RCC2: variants seen among roughly 807,000 people sequenced by gnomAD.
RCC2 encodes protein RCC2.
A neutral mutation model predicts 64.1 loss-of-function variants in RCC2; 19 were observed. The ratio of observed to expected loss-of-function variants is 0.30; its 90% CI spans 0.21 to 0.44. RCC2 has a LOEUF of 0.44. Among genes scored for constraint, RCC2 ranks in the 20% least tolerant of loss-of-function variants. The pLI, the probability that RCC2 is intolerant of heterozygous loss-of-function variation, is 1.00. For synonymous variants in RCC2, 325 were observed against 279.6 expected (o/e 1.16, Z -1.62); for missense variants, 508 against 710.4 (o/e 0.72, Z 3.24).
rs149679206 is a variant in RCC2 at position 17,408,437 on chromosome 1, C to G, written c.*653G>C. 1 of 152,348 alleles carries G rather than the reference C, an allele frequency of 6.6e-6. No homozygotes were observed. Among genetic ancestry groups the G allele is most frequent in the Non-Finnish European group, 1.5e-5 (1 of 68,182 alleles). 9.4% of individuals were successfully genotyped at this position (152,348 alleles called of 1,614,324 possible). A position where few individuals can be genotyped will look rare whatever the true frequency, so the allele number is the denominator to read the frequency against. The stretch of plus-strand genomic sequence containing the variant: ...TAAAGTAGATATAAATGGCTAAACA[C>G]AGATCCCCAATCCCCCACCAGGGGG... On this transcript the variant is annotated 3_prime_UTR_variant, in exon 13 of 13. Transcript: ENST00000375436.
At chr1:17,422,429 AG>A in intron 5 of RCC2, 138 bp from the exon 6 acceptor site, 1 of 809,350 alleles carries the variant, frequency 1.2e-6, no homozygotes, top group East Asian at 2.7e-5. Flanking sequence ...AAAAGCTGGC[AG>A]TGCAGACGCT....
intron 3 of RCC2, 136 bp from the exon 4 acceptor site, chr1:17,425,820 T>C (rs375494023): frequency 1.2e-6 from 1 of 853,912 alleles, no homozygotes. Flanking sequence ...GCCTTGGCTG[T>C]TGGGAGGCTG....
rs188918935 is a variant in RCC2, at chr1:17,422,289, T to C, written c.658A>G (p.Thr220Ala). Residue 220 changes from threonine to alanine, a missense_variant and splice_region_variant, in exon 6 of 13, where the codon ACG becomes GCG. By Grantham distance (58) the Thr-to-Ala change is moderately conservative (BLOSUM62 0). This residue lies in a region of RCC2 where 132 missense variants were observed against 207.3 expected (regional missense o/e 0.64). Coordinates refer to ENST00000375436, the MANE Select transcript of RCC2 (RefSeq NM_018715.4). Reference sequence around the variant, plus strand: ...TCCCCAAACGCAAACACGGAGCCCGTTTCTGGAAGAAAGGAAAAATATCAC... The same window carrying C: ...TCCCCAAACGCAAACACGGAGCCCGCTTCTGGAAGAAAGGAAAAATATCAC... ...GRNHTLALTE[T>A]GSVFAFGENK... 207 of 1,610,712 alleles carry C rather than the reference T, an allele frequency of 1.3e-4. No homozygotes were observed. The East Asian group carries it at 3.5e-3, about 27-fold the overall frequency.
At chr1:17,416,126 T>G in intron 8 of RCC2, among the ~76,000 whole-genome samples, 1 of 145,876 alleles carries the variant, frequency 6.9e-6, no homozygotes, top group South Asian at 2.2e-4. Flanking sequence ...ACGACTCACA[T>G]CCCCAGTATG....
intron 6 of RCC2, 91 bp from the exon 7 acceptor site, chr1:17,420,919 G>T: frequency 1.3e-6 from 1 of 785,616 alleles, no homozygotes. Flanking sequence ...CAATTACTAG[G>T]TTACAAACGG....
intron 4 of RCC2, among the ~76,000 whole-genome samples, chr1:17,423,613 G>A (rs1479549126): frequency 6.6e-6 from 1 of 152,246 alleles, no homozygotes; most frequent in African/African-American, 2.4e-5. Context: ...CCAAAAGGAG[G>A]GCTGGGAGCC....
Position 17,409,052 on chromosome 1 carries a change from C to T in RCC2, c.*38G>A. On this transcript the variant is annotated 3_prime_UTR_variant, in exon 13 of 13. Transcript: ENST00000375436. ...CCAGTGCACATGGAAATGACAGCTG[C>T]CGCGAGAGGTGTGGAGTCGGAGGAG... 1 of 1,407,482 alleles carries T rather than the reference C, an allele frequency of 7.1e-7. No homozygotes were observed. The highest frequency in any genetic ancestry group is 1.0e-6 in the Non-Finnish European group (1 of 991,730). 87.2% of individuals were successfully genotyped at this position (1,407,482 alleles called of 1,614,324 possible).
At chr1:17,431,499 CAAAAAAAAAAAAA>C (rs558362245) in intron 2 of RCC2, among the ~76,000 whole-genome samples, 33 of 57,904 alleles carry the variant, frequency 5.7e-4, no homozygotes, top group Non-Finnish European at 4.3e-4. Flanking sequence ...AGCCCTGTCT[CAAAAAAAAAAAAA>C]AAAAAAAAAG....
chr1:17,431,359 A>AAAAAAAAAAT (rs1553158471), intron 2 of RCC2, among the ~76,000 whole-genome samples: 3 of 44,936 alleles, frequency 6.7e-5, no homozygotes, highest in Non-Finnish European at 1.1e-4. Flanking sequence ...AAAAAAAAAA[A>AAAAAAAAAAT]ATATATATAT....
intron 1 of RCC2, among the ~76,000 whole-genome samples, 189 bp downstream of exon 1, chr1:17,439,356 T>G (rs184336381): frequency 6.4e-4 from 96 of 149,432 alleles, no homozygotes; most frequent in African/African-American, 2.2e-3. Context: ...TAATTGATTT[T>G]GAACAATGGG....
intron 3 of RCC2, 147 bp downstream of exon 3, chr1:17,428,959 A>G (rs1049294565): frequency 6.0e-6 from 4 of 662,964 alleles, no homozygotes; most frequent in African/African-American, 5.4e-5. Context: ...CCAGCTCATC[A>G]CTACAGTGGC....
chr1:17,433,789 A>G (rs1424787502), intron 2 of RCC2, among the ~76,000 whole-genome samples: 3 of 152,232 alleles, frequency 2.0e-5, no homozygotes, highest in African/African-American at 7.2e-5. Flanking sequence ...TACGGGGCCC[A>G]GAGTCAACCT....
Position 17,438,440 on chromosome 1 carries a change from G to C in RCC2, c.75C>G (p.Pro25=). ...SSGNGTARAG[P]RKRGGPAGRK... is the part of the protein sequence containing the mutation. ...TGCCCGCCGGGCCGCCGCGTTTCCT[G>C]GGCCCGGCGCGGGCAGTGCCGTTGC... Residue 25 remains proline, a synonymous_variant, in exon 2 of 13, where the codon CCC becomes CCG. Coordinates refer to ENST00000375436, the MANE Select transcript of RCC2 (RefSeq NM_018715.4). The C allele has an allele frequency of 7.8e-7, 1 of 1,289,922 alleles. No homozygotes were observed. The highest frequency in any genetic ancestry group is 9.8e-7 in the Non-Finnish European group (1 of 1,022,514). 79.9% of individuals were successfully genotyped at this position (1,289,922 alleles called of 1,614,324 possible).
chr1:17,430,724 G>C (rs1345903054), intron 2 of RCC2, among the ~76,000 whole-genome samples: 1 of 151,720 alleles, frequency 6.6e-6, no homozygotes, highest in African/African-American at 2.4e-5. Flanking sequence ...GGAGGCGGAG[G>C]TTGCAGTAAG....
rs1323317517 is a variant in RCC2, at chr1:17,406,982, C to T, written c.*2108G>A. The T allele has an allele frequency of 6.6e-6, 1 of 152,216 alleles. No individual in the cohort carries two copies. The highest frequency in any genetic ancestry group is 1.5e-5 in the Non-Finnish European group (1 of 68,046). The allele number at this position is 152,216 out of a possible 1,614,324, so 9.4% of individuals were successfully genotyped here. On this transcript the variant is annotated 3_prime_UTR_variant, in exon 13 of 13. Transcript: ENST00000375436. ...AGCGCCAAGCACATTCCCAACCGGGCAACTGTGTACCTTTCTCTAGGAGTG... is the reference window on the plus strand; with the variant it reads ...AGCGCCAAGCACATTCCCAACCGGGTAACTGTGTACCTTTCTCTAGGAGTG...
At chr1:17,437,691 C>A (rs551234080) in intron 2 of RCC2, among the ~76,000 whole-genome samples, 2 of 146,888 alleles carry the variant, frequency 1.4e-5, no homozygotes, top group African/African-American at 4.9e-5. Context: ...CGGCGGCCGT[C>A]AGGCCCCGCC....
intron 7 of RCC2, among the ~76,000 whole-genome samples, chr1:17,417,940 C>T (rs1299843839): frequency 6.6e-6 from 1 of 152,102 alleles, no homozygotes; most frequent in Non-Finnish European, 1.5e-5. Context: ...TAAGACCATA[C>T]AGTAGAACTA....
intron 2 of RCC2, among the ~76,000 whole-genome samples, chr1:17,434,889 G>A (rs1232748611): frequency 9.2e-5 from 14 of 152,350 alleles, no homozygotes; most frequent in East Asian, 1.9e-4. Context: ...GGCAAATCAC[G>A]AGGTCAGGAG....
chr1:17,417,826 TAC>T (rs1252721109), intron 7 of RCC2, among the ~76,000 whole-genome samples: 7 of 151,770 alleles, frequency 4.6e-5, no homozygotes, highest in Non-Finnish European at 7.4e-5. Flanking sequence ...GCTATTTAAA[TAC>T]AGTCAGCCCT....
Sources: allele counts gnomAD v4.1 joint callset (sites outside exome capture counted in the v4.1 genomes callset), GRCh38; gene constraint gnomAD v4.1.1; regional missense constraint gnomAD v4.1.1; transcripts MANE v1.5; gene names NCBI Gene and HGNC (gene_info 2026-07-23, HGNC 2026-07-21).